The following CCSER1 variants were observed in gnomAD, a reference collection of about 807,000 sequenced individuals.
The protein encoded by CCSER1 is coiled-coil serine rich protein 1.
Under a neutral mutation model 82.0 loss-of-function variants are expected in CCSER1, and 41 were observed. The observed-to-expected ratio is 0.50, with a 90% CI of 0.39 to 0.65. The LOEUF (loss-of-function observed/expected upper bound fraction) is 0.65, where lower values mean the gene tolerates loss of function less well. Among genes scored for constraint, CCSER1 ranks in the 30% least tolerant of loss-of-function variants. The pLI, the probability that CCSER1 is intolerant of heterozygous loss-of-function variation, is 0.00. For synonymous variants in CCSER1, 414 were observed against 383.9 expected, an observed-to-expected ratio of 1.08 and a Z score of -0.92; for missense variants, 1,119 against 1,064.2, an observed-to-expected ratio of 1.05 and a Z score of -0.72.
intron 10 of CCSER1, among the ~76,000 whole-genome samples, chr4:91,582,953 C>T (rs1461115982): frequency 6.6e-6 from 1 of 151,346 alleles, no homozygotes; most frequent in Non-Finnish European, 1.5e-5. Flanking sequence ...GAACTAATTT[C>T]TTAGAGCTAA....
intron 10 of CCSER1, among the ~76,000 whole-genome samples, chr4:91,304,743 T>C (rs1333585460): frequency 6.6e-6 from 1 of 151,980 alleles, no homozygotes; most frequent in Non-Finnish European, 1.5e-5. Context: ...CACAATACAA[T>C]CCCCGAATGT....
chr4:91,499,747 G>T (rs1759107407), intron 10 of CCSER1, among the ~76,000 whole-genome samples: 1 of 151,582 alleles, frequency 6.6e-6, no homozygotes. Context: ...TTTCAGATTG[G>T]CTTCTTTCAC....
At chr4:91,444,006 G>T (rs1444172400) in intron 10 of CCSER1, among the ~76,000 whole-genome samples, 1 of 151,948 alleles carries the variant, frequency 6.6e-6, no homozygotes, top group African/African-American at 2.4e-5. Context: ...CCAAGGAGAA[G>T]AAAACAAAAG....
At chr4:90,201,315 G>T (rs572470264) in intron 1 of CCSER1, among the ~76,000 whole-genome samples, 4 of 151,970 alleles carry the variant, frequency 2.6e-5, no homozygotes, top group Non-Finnish European at 5.9e-5. Context: ...GTAGACACTT[G>T]CTCTTAAAGA....
intron 3 of CCSER1, among the ~76,000 whole-genome samples, chr4:90,389,723 G>C (rs76555486): frequency 3.9e-5 from 6 of 152,186 alleles, no homozygotes; most frequent in Admixed American, 6.5e-5. Flanking sequence ...TTATTCCTTT[G>C]TAACTATCTT....
At chr4:91,092,231 C>A (rs1239716984) in intron 10 of CCSER1, among the ~76,000 whole-genome samples, 1 of 152,176 alleles carries the variant, frequency 6.6e-6, no homozygotes, top group Non-Finnish European at 1.5e-5. Flanking sequence ...CCTTTGCTGT[C>A]CTCTGTACTA....
intron 10 of CCSER1, among the ~76,000 whole-genome samples, chr4:91,524,132 T>A (rs1760653034): frequency 6.6e-6 from 1 of 152,196 alleles, no homozygotes; most frequent in Non-Finnish European, 1.5e-5. Flanking sequence ...TTGTTTAAAT[T>A]GAGTTTCACC....
chr4:90,308,631 C>T lies in CCSER1; in HGVS notation c.347C>T (p.Ser116Phe). ...EEHIKTRGRH[S>F]VGFSSSRNKK... Reference sequence around the variant, plus strand: ...CATATTAAGACCAGGGGAAGACATTCTGTTGGTTTTAGTAGTTCACGAAAT... The same window carrying T: ...CATATTAAGACCAGGGGAAGACATTTTGTTGGTTTTAGTAGTTCACGAAAT... The change falls in exon 2 of 11, where the codon TCT becomes TTT. Residue 116 changes from serine to phenylalanine, a missense_variant. Coordinates refer to ENST00000509176, the MANE Select transcript of CCSER1 (RefSeq NM_001145065.2). 1 of 1,613,796 alleles carries T rather than the reference C, an allele frequency of 6.2e-7. No homozygotes were observed. Among genetic ancestry groups the T allele is most frequent in the South Asian group, 1.1e-5 (1 of 91,072 alleles).
intron 1 of CCSER1, among the ~76,000 whole-genome samples, chr4:90,176,381 G>A (rs924930314): frequency 9.9e-5 from 15 of 152,122 alleles, no homozygotes; most frequent in African/African-American, 3.4e-4. Context: ...AAGGCCTGGA[G>A]AAGAGGAGGA....
chr4:91,036,251 A>G (rs1255955807), intron 9 of CCSER1, among the ~76,000 whole-genome samples: 1 of 152,228 alleles, frequency 6.6e-6, no homozygotes, highest in Non-Finnish European at 1.5e-5. Context: ...ACTTGGCATG[A>G]AACAGTATTT....
intron 10 of CCSER1, among the ~76,000 whole-genome samples, chr4:91,540,909 G>GTTCT (rs1470472308): frequency 6.6e-6 from 1 of 152,058 alleles, no homozygotes; most frequent in Non-Finnish European, 1.5e-5. Context: ...TTATCAGTTT[G>GTTCT]TTCTTTCCCC....
At chr4:91,094,352 A>G (rs916051097) in intron 10 of CCSER1, among the ~76,000 whole-genome samples, 2 of 152,188 alleles carry the variant, frequency 1.3e-5, no homozygotes, top group South Asian at 2.1e-4. Flanking sequence ...AGCTAGTCTG[A>G]TGCTAAAGAA....
chr4:90,863,424 C>A (rs1040217310), intron 8 of CCSER1, among the ~76,000 whole-genome samples: 1 of 151,870 alleles, frequency 6.6e-6, no homozygotes, highest in Admixed American at 6.6e-5. Context: ...TTTTCTTTTT[C>A]AGTCAGATGA....
chr4:90,959,701 G>GAA (rs1299921204), intron 9 of CCSER1, among the ~76,000 whole-genome samples: 2 of 150,300 alleles, frequency 1.3e-5, no homozygotes, highest in South Asian at 2.1e-4. Flanking sequence ...ATCAGATAAA[G>GAA]AGACTTCTGC....
chr4:90,430,049 A>G (rs1315465472), intron 4 of CCSER1, among the ~76,000 whole-genome samples: 1 of 151,872 alleles, frequency 6.6e-6, no homozygotes, highest in Non-Finnish European at 1.5e-5. Context: ...AAGTCCGCTC[A>G]AAAATCTAAC....
intron 10 of CCSER1, among the ~76,000 whole-genome samples, chr4:91,171,104 G>A (rs1423116246): frequency 1.5e-4 from 23 of 151,936 alleles, no homozygotes; most frequent in Non-Finnish European, 1.5e-5. Context: ...AAATAGAATA[G>A]AAACATATTT....
At chr4:90,267,755 C>G (rs1022461853) in intron 1 of CCSER1, among the ~76,000 whole-genome samples, 1 of 152,210 alleles carries the variant, frequency 6.6e-6, no homozygotes, top group East Asian at 1.9e-4. Context: ...TCTAAGTATG[C>G]AAGAACTACA....
chr4:90,259,715 T>G (rs1560895322), intron 1 of CCSER1, among the ~76,000 whole-genome samples: 1 of 152,178 alleles, frequency 6.6e-6, no homozygotes, highest in Non-Finnish European at 1.5e-5. Flanking sequence ...ATTGAGATGA[T>G]CATATGGTTT....
chr4:91,007,760 A>G (rs1004060769), intron 9 of CCSER1, among the ~76,000 whole-genome samples: 1 of 145,218 alleles, frequency 6.9e-6, no homozygotes, highest in Admixed American at 6.8e-5. Flanking sequence ...GATATTTACT[A>G]TTTCTTTCCT....
Sources: allele counts gnomAD v4.1 joint callset (sites outside exome capture counted in the v4.1 genomes callset), GRCh38; gene constraint gnomAD v4.1.1; transcripts MANE v1.5; gene names NCBI Gene and HGNC (gene_info 2026-07-23, HGNC 2026-07-21).